LDHA: variants seen among roughly 807,000 people sequenced by gnomAD.
The protein encoded by LDHA is lactate dehydrogenase A, also known as L-lactate dehydrogenase A chain.
In LDHA, 10 loss-of-function variants were observed where a neutral mutation model predicts 36.3. The ratio of observed to expected loss-of-function variants is 0.28; its 90% CI spans 0.17 to 0.47. The LOEUF (loss-of-function observed/expected upper bound fraction) is 0.47, where lower values mean the gene tolerates loss of function less well. LDHA is among the 20% of genes least tolerant of loss of function. The probability of loss-of-function intolerance (pLI) is 0.99; values close to 1 mark genes in which losing one functional copy is unlikely to be tolerated. For missense variants in LDHA, 267 were observed against 405.8 expected (o/e 0.66, Z 2.94); for synonymous variants, 110 against 136.7 (o/e 0.80, Z 1.36).
At chr11:18,402,687 T>C (rs1866548435) in intron 4 of LDHA, 153 bp from the exon 5 acceptor site, 2 of 679,012 alleles carry the variant, frequency 2.9e-6, no homozygotes. Flanking sequence ...CCATGATCAA[T>C]ATCAAGATCC....
rs761698693 is a variant in LDHA at position 18,400,931 on chromosome 11, C to A, written c.339C>A (p.Asn113Lys). ...GESRLNLVQR[N>K]VNIFKFIIPN... ...GCCGTCTTAATTTGGTCCAGCGTAA[C>A]GTGAACATCTTTAAATTCATCATTC... Residue 113 changes from asparagine (N) to lysine (K), a missense_variant, in exon 4 of 8, where the codon AAC (asparagine) becomes AAA (lysine). Physicochemically the swap from Asn to Lys is moderately conservative, Grantham distance 94 (BLOSUM62 0). Coordinates refer to ENST00000422447, the MANE Select transcript of LDHA (RefSeq NM_005566.4). The A allele has an allele frequency of 6.2e-7, 1 of 1,612,996 alleles. No individual in the cohort carries two copies. Among genetic ancestry groups the A allele is most frequent in the Non-Finnish European group, 8.5e-7 (1 of 1,179,300 alleles).
chr11:18,397,060 G>T lies in LDHA; in HGVS notation c.126+92G>T, dbSNP rs1866329805. ...CTAGAACTGTATTATTACATTTCAT[G>T]TAACAGTATTTAGATTTATGCACTC... On this transcript the variant is annotated intron_variant, in intron 2 of 7. Transcript: ENST00000422447. The T allele has an allele frequency of 5.6e-5, 66 of 1,174,306 alleles. No homozygotes were observed. The East Asian group carries it at 1.5e-3, about 27-fold the overall frequency. The allele number at this position is 1,174,306 out of a possible 1,614,324, so 72.7% of individuals were successfully genotyped here. A position where few individuals can be genotyped will look rare whatever the true frequency, so the allele number is the denominator to read the frequency against.
In LDHA at chr11:18,396,641, C is replaced by T. The variant is rs200669604; in HGVS notation, c.-24-178C>T. The T allele has an allele frequency of 2.1e-6, 3 of 1,406,254 alleles. No homozygotes were observed. The South Asian group carries it at 4.8e-5, about 23-fold the overall frequency. 87.1% of individuals were successfully genotyped at this position (1,406,254 alleles called of 1,614,324 possible). On this transcript the variant is annotated intron_variant, in intron 1 of 7. Transcript: ENST00000422447. ...GGCCTTCACTCTTCACAGACCCTGTCATTAGGCCTTTCAACTCTCTTTTGG... is the reference window on the plus strand; with the variant it reads ...GGCCTTCACTCTTCACAGACCCTGTTATTAGGCCTTTCAACTCTCTTTTGG...
In LDHA at chr11:18,397,138, A is replaced by G. The variant is rs149686758; in HGVS notation, c.126+170A>G. 0.023 allele frequency: 13,528 copies of G among 597,000 alleles called. 284 individuals are homozygous for G. Among genetic ancestry groups the G allele is most frequent in the South Asian group, 0.065 (2,766 of 42,644 alleles). 37.0% of individuals were successfully genotyped at this position (597,000 alleles called of 1,614,324 possible). A position where few individuals can be genotyped will look rare whatever the true frequency, so the allele number is the denominator to read the frequency against. ...TTTTGAAATATGATAATACACCAAA[A>G]GTGTATCTGAAATTAAAAAGAATCA... On this transcript the variant is annotated intron_variant, in intron 2 of 7. Transcript: ENST00000422447.
intron 6 of LDHA, 52 bp from the exon 7 acceptor site, chr11:18,405,397 C>A (rs1866650051): frequency 3.1e-6 from 5 of 1,601,694 alleles, no homozygotes; most frequent in Non-Finnish European, 4.3e-6. Flanking sequence ...GTTTTTCTTT[C>A]TTTCTCCCAC....
intron 2 of LDHA, chr11:18,399,152 G>A: frequency 2.4e-6 from 1 of 421,558 alleles, no homozygotes; most frequent in Non-Finnish European, 4.4e-6. Context: ...TCTAGCAACT[G>A]CCAGTCCAGT....
chr11:18,399,604 G>C, intron 3 of LDHA, 56 bp downstream of exon 3: 1 of 1,300,512 alleles, frequency 7.7e-7, no homozygotes, highest in Non-Finnish European at 1.1e-6. Flanking sequence ...TCTTTTTCCA[G>C]ATGGTCTCCA....
At chr11:18,405,847 T>C (rs1041419165) in intron 7 of LDHA, 11 of 363,740 alleles carry the variant, frequency 3.0e-5, no homozygotes, top group African/African-American at 1.5e-4. Context: ...AATAAACTAT[T>C]TCTCCATTGG....
Position 18,407,220 on chromosome 11 carries a change from A to G in LDHA, c.938A>G (p.Glu313Gly). 6.2e-7 allele frequency: 1 copy of G among 1,613,934 alleles called. No homozygotes were observed. The highest frequency in any genetic ancestry group is 2.2e-5 in the East Asian group (1 of 44,868). Residue 313 changes from glutamate to glycine, a missense_variant, in exon 8 of 8, where the codon GAG (glutamate) becomes GGG (glycine). Glu to Gly is a moderately conservative substitution (Grantham distance 98). Transcript: ENST00000422447. Reference sequence around the variant, plus strand: ...AAGGTGACTCTGACTTCTGAGGAAGAGGCCCGTTTGAAGAAGAGTGCAGAT... The same window carrying G: ...AAGGTGACTCTGACTTCTGAGGAAGGGGCCCGTTTGAAGAAGAGTGCAGAT... ...LVKVTLTSEE[E>G]ARLKKSADTL...
intron 6 of LDHA, 110 bp from the exon 7 acceptor site, chr11:18,405,339 C>A: frequency 3.7e-6 from 4 of 1,089,954 alleles, no homozygotes; most frequent in East Asian, 2.4e-5. Flanking sequence ...TGGTATAATG[C>A]AACATTGTGG....
chr11:18,394,936 G>GA (rs1866240011), intron 1 of LDHA: 2 of 348,554 alleles, frequency 5.7e-6, no homozygotes, highest in South Asian at 4.3e-5. Flanking sequence ...GCGGAACAAG[G>GA]ATATGATAGG....
At chr11:18,395,252 C>G (rs1249619091) in intron 1 of LDHA, 2 of 156,314 alleles carry the variant, frequency 1.3e-5, no homozygotes, top group Non-Finnish European at 1.4e-5. Context: ...GGCAGCATCC[C>G]AGCCCTTCCG....
At chr11:18,405,106 T>G (rs1456881248) in intron 6 of LDHA, among the ~76,000 whole-genome samples, 1 of 152,202 alleles carries the variant, frequency 6.6e-6, no homozygotes, top group African/African-American at 2.4e-5. Flanking sequence ...TTTTTAAAAT[T>G]CAATATTATA....
At chr11:18,406,318 G>C (rs918438705) in intron 7 of LDHA, among the ~76,000 whole-genome samples, 8 of 150,206 alleles carry the variant, frequency 5.3e-5, no homozygotes, top group African/African-American at 2.0e-4. Flanking sequence ...ACTGACAGCT[G>C]TAATGCCAGC....
At chr11:18,397,978 C>A (rs1866356061) in intron 2 of LDHA, among the ~76,000 whole-genome samples, 2 of 152,096 alleles carry the variant, frequency 1.3e-5, no homozygotes, top group Admixed American at 1.3e-4. Context: ...TAGGAAAGGC[C>A]ACATAATACA....
chr11:18,396,783 A>C, intron 1 of LDHA, 36 bp from the exon 2 acceptor site: 1 of 1,541,144 alleles, frequency 6.5e-7, no homozygotes, highest in South Asian at 1.2e-5. Flanking sequence ...AACATTAAAG[A>C]AGCTGTAGTG....
chr11:18,406,369 G>C (rs1866681297), intron 7 of LDHA, among the ~76,000 whole-genome samples: 1 of 135,320 alleles, frequency 7.4e-6, no homozygotes, highest in Non-Finnish European at 1.5e-5. Context: ...TTGAGCCCAG[G>C]TGTTTGAGAC....
rs59534512 is a variant in LDHA at position 18,401,955 on chromosome 11, C to CTCTCTTTTTTTTTTTTTTTTTTTTTTTT, written c.419-884_419-883insCTCTTTTTTTTTTTTTTTTTTTTTTTTT. Among the ~76,000 whole-genome samples the CTCTCTTTTTTTTTTTTTTTTTTTTTTTT allele has an allele frequency of 4.6e-4, 24 of 52,256 alleles. 5 individuals are homozygous for CTCTCTTTTTTTTTTTTTTTTTTTTTTTT. The highest frequency in any genetic ancestry group is 6.1e-4 in the Admixed American group (2 of 3,262). The allele number at this position is 52,256 out of a possible 152,430, so 34.3% of individuals were successfully genotyped here. A position where few individuals can be genotyped will look rare whatever the true frequency, so the allele number is the denominator to read the frequency against. Reference sequence around the variant, plus strand: ...TAAGTTTGTGAATAATTGTTATTCTCTTTTTTTTTTTTTTTTTTTTTGAGA... The same window carrying CTCTCTTTTTTTTTTTTTTTTTTTTTTTT: ...TAAGTTTGTGAATAATTGTTATTCTCTCTCTTTTTTTTTTTTTTTTTTTTTTTTTTTTTTTTTTTTTTTTTTTTTGAGA... On this transcript the variant is annotated intron_variant, in intron 4 of 7. Transcript: ENST00000422447.
intron 3 of LDHA, 61 bp from the exon 4 acceptor site, chr11:18,400,776 G>T: frequency 1.5e-6 from 2 of 1,333,638 alleles, no homozygotes; most frequent in South Asian, 2.4e-5. Context: ...ACAAATTTTT[G>T]CTGCCTAGGT....
Sources: allele counts gnomAD v4.1 joint callset (sites outside exome capture counted in the v4.1 genomes callset), GRCh38; gene constraint gnomAD v4.1.1; transcripts MANE v1.5; gene names NCBI Gene and HGNC (gene_info 2026-07-23, HGNC 2026-07-21).